The following ABCA8 variants were observed in gnomAD, a reference collection of about 807,000 sequenced individuals.
The protein encoded by ABCA8 is ABC-type organic anion transporter ABCA8.
ABCA8 carries 177 observed loss-of-function variants against 192.3 expected under a neutral mutation model. The ratio of observed to expected loss-of-function variants is 0.92; its 90% CI spans 0.81 to 1.04. The LOEUF is 1.04. ABCA8 is among the 50% of genes least tolerant of loss of function. The probability of loss-of-function intolerance (pLI) is 0.00; values close to 1 mark genes in which losing one functional copy is unlikely to be tolerated. For missense variants in ABCA8, 1,915 were observed against 1,904.8 expected (o/e 1.01, Z -0.10); for synonymous variants, 642 against 690.2 (o/e 0.93, Z 1.09).
intron 7 of ABCA8, among the ~76,000 whole-genome samples, chr17:68,930,391 G>C (rs2067830850): frequency 6.6e-6 from 1 of 152,100 alleles, no homozygotes; most frequent in Non-Finnish European, 1.5e-5. Flanking sequence ...TTTTTGTTAA[G>C]AAAGATTTTT....
chr17:68,947,414 G>T (rs969116803), intron 2 of ABCA8, among the ~76,000 whole-genome samples: 20 of 152,122 alleles, frequency 1.3e-4, no homozygotes, highest in African/African-American at 4.3e-4. Context: ...TAATTTAATT[G>T]TTTATACAAT....
rs569872410 is a variant in ABCA8, at chr17:68,876,267, A to G, written c.4370+193T>C. ...CCCTAACAATGGTAATTCTTTCTTCAATAAGAAATGGTTGTAAAATATCAT... is the reference window on the plus strand; with the variant it reads ...CCCTAACAATGGTAATTCTTTCTTCGATAAGAAATGGTTGTAAAATATCAT... On this transcript the variant is annotated intron_variant, in intron 35 of 39. Coordinates refer to ENST00000586539, the MANE Select transcript of ABCA8 (RefSeq NM_001288985.2). 16 of 675,658 alleles carry G rather than the reference A, an allele frequency of 2.4e-5. 1 individual carries two copies. The Admixed American group carries it at 4.7e-4, about 20-fold the overall frequency. The allele number at this position is 675,658 out of a possible 1,614,324, so 41.9% of individuals were successfully genotyped here.
intron 26 of ABCA8, among the ~76,000 whole-genome samples, chr17:68,886,148 T>G (rs780046024): frequency 9.2e-5 from 14 of 152,242 alleles, no homozygotes; most frequent in Non-Finnish European, 1.8e-4. Flanking sequence ...GTACTTCTAA[T>G]TTCTCTGTCT....
intron 38 of ABCA8, among the ~76,000 whole-genome samples, chr17:68,868,872 A>G (rs2065979183): frequency 6.6e-6 from 1 of 152,126 alleles, no homozygotes; most frequent in South Asian, 2.1e-4. Context: ...CAGATTGGAA[A>G]TATGCCACCA....
Position 68,911,811 on chromosome 17 carries a change from G to C in ABCA8, c.2139-3932C>G, listed in dbSNP as rs950757036. Reference sequence around the variant, plus strand: ...ATAAGGGAAGGGAACAAGCATCTCTGCCTGGTAATCCAAAGTATTCTCCAA... The same window carrying C: ...ATAAGGGAAGGGAACAAGCATCTCTCCCTGGTAATCCAAAGTATTCTCCAA... On this transcript the variant is annotated intron_variant, in intron 17 of 39. Transcript: ENST00000586539. The surrounding 1 kb of genome is among the most constrained non-coding windows in gnomAD (Gnocchi z 5.7). Among the ~76,000 whole-genome samples the C allele has an allele frequency of 1.3e-5, 2 of 151,766 alleles. No individual in the cohort carries two copies. The highest frequency in any genetic ancestry group is 4.8e-5 in the African/African-American group (2 of 41,282).
At chr17:68,917,685 G>T (rs1413663100) in intron 16 of ABCA8, among the ~76,000 whole-genome samples, 1 of 152,062 alleles carries the variant, frequency 6.6e-6, no homozygotes, top group Non-Finnish European at 1.5e-5. Context: ...TTCTAATATA[G>T]AAAATTATCC....
intron 21 of ABCA8, among the ~76,000 whole-genome samples, chr17:68,896,997 A>G (rs180734819): frequency 6.6e-6 from 1 of 152,256 alleles, no homozygotes; most frequent in African/African-American, 2.4e-5. Context: ...ATGAACAGAA[A>G]CGTGTTCTTA....
chr17:68,871,970 G>A (rs993946698), intron 37 of ABCA8, among the ~76,000 whole-genome samples: 1 of 151,980 alleles, frequency 6.6e-6, no homozygotes, highest in African/African-American at 2.4e-5. Context: ...TTATAAAAAA[G>A]TTAACTGTAA....
At position 68,922,190 on chromosome 17, in the gene ABCA8, CTCTCTTTTTTTTTTTTTTT is replaced by C. The variant is rs1555614318; in HGVS notation, c.1501+33_1501+51del. 5 of 639,486 alleles carry C rather than the reference CTCTCTTTTTTTTTTTTTTT, an allele frequency of 7.8e-6. 1 individual carries two copies. Among genetic ancestry groups the C allele is most frequent in the East Asian group, 1.4e-4 (2 of 14,560 alleles). The allele number at this position is 639,486 out of a possible 1,614,324, so 39.6% of individuals were successfully genotyped here. On this transcript the variant is annotated intron_variant, in intron 12 of 39. Coordinates refer to ENST00000586539, the MANE Select transcript of ABCA8 (RefSeq NM_001288985.2). ...AATATAACAAATATTTTCTTTCTCT[CTCTCTTTTTTTTTTTTTTT>C]TTTTTTTTTTTTTTTTTTTTTTTTT...
At chr17:68,954,290 A>G (rs1340947606) in intron 1 of ABCA8, among the ~76,000 whole-genome samples, 1 of 149,648 alleles carries the variant, frequency 6.7e-6, no homozygotes, top group African/African-American at 2.5e-5. Context: ...TGCATAATTC[A>G]CTGGCGAAGT....
intron 23 of ABCA8, among the ~76,000 whole-genome samples, chr17:68,893,685 GTGCTGTAAGAT>G (rs969884911): frequency 6.9e-6 from 1 of 145,832 alleles, no homozygotes; most frequent in Non-Finnish European, 1.5e-5. Flanking sequence ...GCTGGTCACA[GTGCTGTAAGAT>G]TTCATTTTTA....
Position 68,937,096 on chromosome 17 carries a change from C to A in ABCA8, c.321G>T (p.Leu107=). Residue 107 remains leucine, a synonymous_variant, in exon 5 of 40, where the codon CTG becomes CTT. Coordinates refer to ENST00000586539, the MANE Select transcript of ABCA8 (RefSeq NM_001288985.2). Reference sequence around the variant, plus strand: ...ATTCTTTAATACTTTCCTCATCTGGCAGTCCCAAGACCTCTTTACCTTTTG... The same window carrying A: ...ATTCTTTAATACTTTCCTCATCTGGAAGTCCCAAGACCTCTTTACCTTTTG... ...PFLAGKEVLG[L]PDEESIKEFT... 6.2e-7 allele frequency: 1 copy of A among 1,606,886 alleles called. No individual in the cohort carries two copies. The highest frequency in any genetic ancestry group is 1.3e-5 in the African/African-American group (1 of 74,568).
intron 2 of ABCA8, among the ~76,000 whole-genome samples, chr17:68,943,075 T>C (rs1490517367): frequency 4.6e-5 from 7 of 152,140 alleles, no homozygotes; most frequent in African/African-American, 1.4e-4. Flanking sequence ...AATTGCTCTC[T>C]TTACTAATTT....
intron 24 of ABCA8, among the ~76,000 whole-genome samples, chr17:68,890,441 A>G (rs1250569737): frequency 6.6e-6 from 1 of 152,120 alleles, no homozygotes; most frequent in Non-Finnish European, 1.5e-5. Flanking sequence ...TTTGATACAA[A>G]TCTTTGTCAC....
intron 12 of ABCA8, among the ~76,000 whole-genome samples, 156 bp from the exon 13 acceptor site, chr17:68,921,648 A>G (rs765736990): frequency 2.6e-5 from 4 of 152,232 alleles, no homozygotes; most frequent in African/African-American, 4.8e-5. Flanking sequence ...TGTTAAATTC[A>G]AAATAAAACA....
At chr17:68,927,636 C>T (rs1007999085) in intron 10 of ABCA8, among the ~76,000 whole-genome samples, 2 of 151,142 alleles carry the variant, frequency 1.3e-5, no homozygotes, top group Admixed American at 1.3e-4. Context: ...TAGGAACTAG[C>T]TTTCTAAGAG....
At chr17:68,937,431 G>T (rs1327806711) in intron 4 of ABCA8, among the ~76,000 whole-genome samples, 5 of 152,048 alleles carry the variant, frequency 3.3e-5, no homozygotes, top group African/African-American at 9.7e-5. Context: ...CTATAAATTT[G>T]AAATGGTAAA....
chr17:68,880,456 C>T (rs1284923435), intron 32 of ABCA8, among the ~76,000 whole-genome samples: 1 of 152,138 alleles, frequency 6.6e-6, no homozygotes, highest in Admixed American at 6.5e-5. Context: ...CTGAAACATG[C>T]CCCCCACTTG....
Position 68,940,768 on chromosome 17 carries a change from G to A in ABCA8, c.291C>T (p.Pro97=). ...AACTAGAAAACTTACCTGCCAGGAA[G>A]GGAGTAGAGGCTACTTTATTCATTA... ...QQIMNKVAST[P]FLAGKEVLGL... The change falls in exon 4 of 40, where the codon CCC becomes CCT. Residue 97 remains proline, a synonymous_variant. Transcript: ENST00000586539. 6.2e-7 allele frequency: 1 copy of A among 1,612,890 alleles called. No individual in the cohort carries two copies. The highest frequency in any genetic ancestry group is 8.5e-7 in the Non-Finnish European group (1 of 1,179,068).
Sources: gnomAD v4.1 joint callset for allele counts (sites outside exome capture counted in the v4.1 genomes callset) on GRCh38, gnomAD v4.1.1 for gene constraint, Gnocchi (gnomAD v3.1) non-coding constraint, MANE v1.5 for transcripts, NCBI Gene and HGNC (gene_info 2026-07-23, HGNC 2026-07-21) for gene names.